Variants in UGT1A3 observed in about 807,000 individuals in gnomAD.
UGT1A3 encodes UDP glucuronosyltransferase family 1 member A3.
Under a neutral mutation model 41.0 loss-of-function variants are expected in UGT1A3, and 31 were observed. That is an observed-to-expected ratio of 0.76 (90% CI 0.57 to 1.02). The LOEUF is 1.02. Ranked by LOEUF, UGT1A3 falls within the 50% of genes least tolerant of loss-of-function variation. UGT1A3 has a pLI of 0.00. For synonymous variants in UGT1A3, 262 were observed against 257.6 expected (o/e 1.02, Z -0.17); for missense variants, 737 against 671.0 (o/e 1.10, Z -1.09).
chr2:233,741,893 G>A (rs1575644502), intron 1 of UGT1A3: 1 of 151,848 alleles, frequency 6.6e-6, no homozygotes. Context: ...TAGAAGAAGG[G>A]ACCCTTTGTG....
chr2:233,741,159 G>T (rs1330355973), intron 1 of UGT1A3, among the ~76,000 whole-genome samples: 1 of 151,856 alleles, frequency 6.6e-6, no homozygotes, highest in Non-Finnish European at 1.5e-5. Flanking sequence ...CACTAATCCA[G>T]GATATATCAA....
chr2:233,758,882 G>A (rs1040382997), intron 1 of UGT1A3, among the ~76,000 whole-genome samples: 12 of 152,162 alleles, frequency 7.9e-5, no homozygotes, highest in African/African-American at 2.7e-4. Context: ...ATAGTCCATG[G>A]TCAATAAATA....
At chr2:233,753,470 T>A (rs532317483) in intron 1 of UGT1A3, 1 of 152,352 alleles carries the variant, frequency 6.6e-6, no homozygotes, top group South Asian at 2.1e-4. Context: ...CTGTAAAAAA[T>A]TACCAGCATG....
intron 1 of UGT1A3, among the ~76,000 whole-genome samples, chr2:233,751,658 T>G (rs978244282): frequency 2.0e-5 from 3 of 152,214 alleles, no homozygotes; most frequent in African/African-American, 7.2e-5. Context: ...CTCATCCTAC[T>G]GAGTGAGTTC....
At chr2:233,747,710 A>G (rs1208548533) in intron 1 of UGT1A3, 3 of 1,612,980 alleles carry the variant, frequency 1.9e-6, no homozygotes, top group Non-Finnish European at 1.7e-6. Flanking sequence ...AGTACCTATC[A>G]ATTCCTGCTG....
In UGT1A3 at chr2:233,769,631, G is replaced by A. The variant is rs1359038576; in HGVS notation, c.1307+1192G>A. 4 of 1,611,522 alleles carry A rather than the reference G, an allele frequency of 2.5e-6. No individual in the cohort carries two copies. Among genetic ancestry groups the A allele is most frequent in the African/African-American group, 1.3e-5 (1 of 74,932 alleles). ...ACACCAGCTTGAGCAAGGGACAACA[G>A]GGGAGGACTGATGACTGACTTCCCA... is the stretch of plus-strand genomic sequence containing the variant. On this transcript the variant is annotated intron_variant, in intron 4 of 4. Transcript: ENST00000482026. The surrounding 1 kb of genome is among the most constrained non-coding windows in gnomAD (Gnocchi z 4.4).
intron 1 of UGT1A3, among the ~76,000 whole-genome samples, chr2:233,735,494 C>G (rs1320863859): frequency 6.6e-6 from 1 of 152,164 alleles, no homozygotes; most frequent in East Asian, 1.9e-4. Context: ...TTAATTGCAG[C>G]ATTTAGCCCA....
At chr2:233,748,947 C>G (rs900612588) in intron 1 of UGT1A3, among the ~76,000 whole-genome samples, 1 of 151,662 alleles carries the variant, frequency 6.6e-6, no homozygotes, top group Non-Finnish European at 1.5e-5. Context: ...CCCACCCTAT[C>G]CCACTCCAAG....
Position 233,729,433 on chromosome 2 carries a change from A to T in UGT1A3, c.307A>T (p.Thr103Ser), listed in dbSNP as rs2077858164. 6.2e-7 allele frequency: 1 copy of T among 1,613,790 alleles called. No individual in the cohort carries two copies. Among genetic ancestry groups the T allele is most frequent in the African/African-American group, 1.3e-5 (1 of 74,928 alleles). Residue 103 changes from threonine to serine, a missense_variant, in exon 1 of 5, where the codon ACA (threonine) becomes TCA (serine). By Grantham distance (58) the Thr-to-Ser change is moderately conservative. Transcript: ENST00000482026. The stretch of plus-strand genomic sequence containing the variant: ...GGGCCACACTCAACTGTACTTTGAA[A>T]CAGAACATTTTCTGAAGAAATTTTT... ...VLGHTQLYFETEHFLKKFFRS... is the reference protein window; with the variant it reads ...VLGHTQLYFESEHFLKKFFRS...
chr2:233,743,204 C>G (rs187896113), intron 1 of UGT1A3: 8 of 388,962 alleles, frequency 2.1e-5, no homozygotes, highest in East Asian at 7.2e-5. Context: ...GGTGTCAATG[C>G]GGAGTAACTG....
intron 1 of UGT1A3, among the ~76,000 whole-genome samples, chr2:233,738,560 A>T (rs943884340): frequency 6.6e-6 from 1 of 152,198 alleles, no homozygotes; most frequent in Non-Finnish European, 1.5e-5. Flanking sequence ...AGAGATGAGG[A>T]ATCTGTTGAG....
At position 233,736,787 on chromosome 2, in the gene UGT1A3, G is replaced by T. The variant is rs564924553; in HGVS notation, c.867+6794G>T. Reference sequence around the variant, plus strand: ...TAACAGTCAGATCCCTCAGCTGCAGGTCTGTTGGAGTTTGCTGGAGGTCCA... The same window carrying T: ...TAACAGTCAGATCCCTCAGCTGCAGTTCTGTTGGAGTTTGCTGGAGGTCCA... On this transcript the variant is annotated intron_variant, in intron 1 of 4. Coordinates refer to ENST00000482026, the MANE Select transcript of UGT1A3 (RefSeq NM_019093.4). Among the ~76,000 whole-genome samples the T allele has an allele frequency of 1.5e-3, 227 of 152,276 alleles. 2 individuals carry two copies. The highest frequency in any genetic ancestry group is 5.1e-3 in the African/African-American group (213 of 41,548).
intron 1 of UGT1A3, chr2:233,743,840 A>C: frequency 7.3e-7 from 1 of 1,367,236 alleles, no homozygotes; most frequent in Non-Finnish European, 9.8e-7. Flanking sequence ...CTTGAGCGCC[A>C]GCTTGCGGTA....
At chr2:233,755,025 G>C (rs766586741) in intron 1 of UGT1A3, 29 of 1,306,918 alleles carry the variant, frequency 2.2e-5, no homozygotes, top group Admixed American at 7.6e-5. Context: ...GTCCTTGAAG[G>C]GCCTGCCGCC....
At position 233,729,311 on chromosome 2, in the gene UGT1A3, C is replaced by T. The variant is rs367893745; in HGVS notation, c.185C>T (p.Thr62Ile). The T allele has an allele frequency of 6.2e-7, 1 of 1,614,250 alleles. No homozygotes were observed. Among genetic ancestry groups the T allele is most frequent in the South Asian group, 1.1e-5 (1 of 91,086 alleles). The change falls in exon 1 of 5, where the codon ACC (threonine) becomes ATC (isoleucine). Residue 62 changes from threonine (T) to isoleucine (I), a missense_variant. Thr to Ile is a moderately conservative substitution (Grantham distance 89). Transcript: ENST00000482026. ...HARGHQAVVL[T>I]PEVNMHIKEE... ...AGAGGCCACCAGGCAGTGGTCCTCA[C>T]CCCAGAGGTGAATATGCACATCAAA... is the stretch of plus-strand genomic sequence containing the variant.
chr2:233,770,111 G>A (rs1335443900), intron 4 of UGT1A3: 1 of 152,202 alleles, frequency 6.6e-6, no homozygotes, highest in Non-Finnish European at 1.5e-5. Flanking sequence ...TGTAACCTAA[G>A]AACAACTTGG....
Position 233,760,582 on chromosome 2 carries a change from GT to G in UGT1A3, c.868-6447del. ...GTCTTTTGTTAGTCTCGGGCATAATGTTTTTGAGAATGATTCTTTCCTGCAG... is the reference window on the plus strand; with the variant it reads ...GTCTTTTGTTAGTCTCGGGCATAATGTTTTGAGAATGATTCTTTCCTGCAG... On this transcript the variant is annotated intron_variant, in intron 1 of 4. Coordinates refer to ENST00000482026, the MANE Select transcript of UGT1A3 (RefSeq NM_019093.4). 3 of 1,614,178 alleles carry G rather than the reference GT, an allele frequency of 1.9e-6. No homozygotes were observed. The highest frequency in any genetic ancestry group is 3.3e-4 in the Middle Eastern group (2 of 6,062).
intron 1 of UGT1A3, chr2:233,743,869 G>A (rs763783144): frequency 1.5e-5 from 21 of 1,367,022 alleles, no homozygotes; most frequent in Admixed American, 1.9e-5. Flanking sequence ...TGATGGCCTC[G>A]GATGAGGCCT....
intron 1 of UGT1A3, chr2:233,743,023 A>G (rs574856700): frequency 4.1e-6 from 1 of 244,096 alleles, no homozygotes; most frequent in East Asian, 1.0e-4. Context: ...CGATTGAAAG[A>G]CAAACAGAGG....
Sources: gnomAD v4.1 joint callset for allele counts (sites outside exome capture counted in the v4.1 genomes callset) on GRCh38, gnomAD v4.1.1 for gene constraint, Gnocchi (gnomAD v3.1) non-coding constraint, MANE v1.5 for transcripts, NCBI Gene and HGNC (gene_info 2026-07-23, HGNC 2026-07-21) for gene names.